Variants in ADARB2 observed in about 807,000 individuals in gnomAD.
ADARB2 encodes the protein adenosine deaminase RNA specific B2 (inactive).
Under a neutral mutation model 62.2 loss-of-function variants are expected in ADARB2, and 25 were observed. That is an observed-to-expected ratio of 0.40 (90% CI 0.29 to 0.56). The LOEUF (loss-of-function observed/expected upper bound fraction) is 0.56. Among genes scored for constraint, ADARB2 ranks in the 20% least tolerant of loss-of-function variants. The pLI is 0.43. For missense variants in ADARB2, 1,071 were observed against 1,077.4 expected (o/e 0.99, Z 0.08); for synonymous variants, 572 against 500.8 (o/e 1.14, Z -1.90).
chr10:1,473,574 G>T (rs1831355979), intron 1 of ADARB2, among the ~76,000 whole-genome samples: 1 of 152,028 alleles, frequency 6.6e-6, no homozygotes, highest in Admixed American at 6.5e-5. Context: ...AGAGATGGGG[G>T]TCTCACCATG....
intron 1 of ADARB2, among the ~76,000 whole-genome samples, chr10:1,720,887 G>T (rs59635733): frequency 1.3e-5 from 2 of 152,152 alleles, no homozygotes; most frequent in South Asian, 2.1e-4. Flanking sequence ...CCACTGGCTC[G>T]CTGCAGTGCT....
chr10:1,401,873 T>C (rs1240170603), intron 1 of ADARB2, among the ~76,000 whole-genome samples: 1 of 152,152 alleles, frequency 6.6e-6, no homozygotes, highest in Non-Finnish European at 1.5e-5. Context: ...GCCCAGAGCA[T>C]TTCCACGAGC....
rs992898208 is a variant in ADARB2 at position 1,183,449 on chromosome 10, A to G, written c.2044-80T>C. On this transcript the variant is annotated intron_variant, in intron 9 of 9. Coordinates refer to ENST00000381312, the MANE Select transcript of ADARB2 (RefSeq NM_018702.4). The stretch of plus-strand genomic sequence containing the variant: ...GCTAGGTGAGTTTTACATGCCAGGC[A>G]TCAGCTCCTGGCCTTGGCCTTCTGC... 4 of 1,536,240 alleles carry G rather than the reference A, an allele frequency of 2.6e-6. No homozygotes were observed. The African/African-American group carries it at 5.5e-5, about 21-fold the overall frequency.
At chr10:1,694,340 C>T (rs1834711003) in intron 1 of ADARB2, among the ~76,000 whole-genome samples, 3 of 152,206 alleles carry the variant, frequency 2.0e-5, no homozygotes, top group Non-Finnish European at 1.5e-5. Context: ...TTTAGCTAAT[C>T]CATTGCCTTG....
Position 1,178,340 on chromosome 10 carries a change from G to T in ADARB2, c.*4853C>A, listed in dbSNP as rs567771408. 4 of 152,478 alleles carry T rather than the reference G, an allele frequency of 2.6e-5. No individual in the cohort carries two copies. Among genetic ancestry groups the T allele is most frequent in the African/African-American group, 9.6e-5 (4 of 41,578 alleles). The allele number at this position is 152,478 out of a possible 1,614,324, so 9.4% of individuals were successfully genotyped here. A position where few individuals can be genotyped will look rare whatever the true frequency, so the allele number is the denominator to read the frequency against. ...GGAGGGTGGTGCTGGCCGCCTCTCA[G>T]GCTTCCCAGAAACAGCCTGAGAAGG... On this transcript the variant is annotated 3_prime_UTR_variant, in exon 10 of 10. Coordinates refer to ENST00000381312, the MANE Select transcript of ADARB2 (RefSeq NM_018702.4).
intron 3 of ADARB2, among the ~76,000 whole-genome samples, chr10:1,293,431 T>C (rs1471396525): frequency 6.6e-6 from 1 of 152,056 alleles, no homozygotes; most frequent in Non-Finnish European, 1.5e-5. Flanking sequence ...CCCGTCCTCC[T>C]CTGCCTTTCT....
chr10:1,648,280 G>T (rs1834070359), intron 1 of ADARB2, among the ~76,000 whole-genome samples: 1 of 152,064 alleles, frequency 6.6e-6, no homozygotes, highest in Admixed American at 6.6e-5. Flanking sequence ...TTCAAAGCAG[G>T]ATTTATCTCG....
intron 1 of ADARB2, among the ~76,000 whole-genome samples, chr10:1,487,091 G>T (rs1224431835): frequency 1.3e-5 from 2 of 152,226 alleles, no homozygotes; most frequent in Non-Finnish European, 2.9e-5. Context: ...TGCACGCGTG[G>T]GTGCCGTGGG....
intron 1 of ADARB2, among the ~76,000 whole-genome samples, chr10:1,654,448 C>T (rs1172792336): frequency 6.6e-6 from 1 of 152,172 alleles, no homozygotes; most frequent in Admixed American, 6.5e-5. Context: ...ATATCACCTG[C>T]TTCTGTCTAA....
intron 3 of ADARB2, among the ~76,000 whole-genome samples, chr10:1,280,073 A>T (rs1194704036): frequency 6.6e-6 from 1 of 152,174 alleles, no homozygotes; most frequent in Non-Finnish European, 1.5e-5. Flanking sequence ...CTGTGGCAGC[A>T]TCACCTTGTT....
In ADARB2 at chr10:1,217,058, G is replaced by T. The variant is rs758330444; in HGVS notation, c.1575C>A (p.Ser525=). The T allele has an allele frequency of 6.2e-7, 1 of 1,609,832 alleles. No homozygotes were observed. The highest frequency in any genetic ancestry group is 8.5e-7 in the Non-Finnish European group (1 of 1,178,416). ...FRGHLRTKIE[S]GEGTVPVRGP... ...CACGCACGGGGACCGTCCCTTCCCC[G>T]GACTCGATCTTGGTGCGCAGGTGCC... The change falls in exon 7 of 10, where the codon TCC becomes TCA. Residue 525 remains serine (S), a synonymous_variant. Transcript: ENST00000381312.
In ADARB2 at chr10:1,622,537, C is replaced by G. The variant is rs552259724; in HGVS notation, c.100+114514G>C. On this transcript the variant is annotated intron_variant, in intron 1 of 9. Coordinates refer to ENST00000381312, the MANE Select transcript of ADARB2 (RefSeq NM_018702.4). ...GGAGTAAAATTTTGAACAGTCATGC[C>G]ACTAAAGAGGACATGTAGAAAACAA... 5.3e-5 allele frequency among the ~76,000 whole-genome samples: 8 copies of G among 152,090 alleles called. No individual in the cohort carries two copies. The East Asian group carries it at 1.5e-3, about 29-fold the overall frequency.
In ADARB2 at chr10:1,704,395, C is replaced by CAT. The variant is rs1834861637; in HGVS notation, c.100+32654_100+32655dup. On this transcript the variant is annotated intron_variant, in intron 1 of 9. Transcript: ENST00000381312. This position sits in a 1 kb window ranked among gnomAD's most constrained non-coding sequence, Gnocchi z 5.6. ...TGGGAGACAGTGACAGATCATCAGGCATTAGATTTTCATAAGGAGTCTGCA... is the reference window on the plus strand; with the variant it reads ...TGGGAGACAGTGACAGATCATCAGGCATATTAGATTTTCATAAGGAGTCTGCA... Among the ~76,000 whole-genome samples the CAT allele has an allele frequency of 6.6e-6, 1 of 152,178 alleles. No homozygotes were observed. The highest frequency in any genetic ancestry group is 1.5e-5 in the Non-Finnish European group (1 of 68,028).
At chr10:1,549,488 C>A (rs1832581555) in intron 1 of ADARB2, among the ~76,000 whole-genome samples, 1 of 151,964 alleles carries the variant, frequency 6.6e-6, no homozygotes, top group Non-Finnish European at 1.5e-5. Context: ...GAGCAGGGTG[C>A]CCGGGGTTGG....
At chr10:1,320,604 G>C (rs1053496245) in intron 3 of ADARB2, among the ~76,000 whole-genome samples, 1 of 152,202 alleles carries the variant, frequency 6.6e-6, no homozygotes, top group African/African-American at 2.4e-5. Context: ...TATCTGCAAA[G>C]TGAGAATTTT....
chr10:1,277,133 A>G (rs1429315994), intron 3 of ADARB2, among the ~76,000 whole-genome samples: 12 of 152,242 alleles, frequency 7.9e-5, no homozygotes, highest in Non-Finnish European at 1.6e-4. Flanking sequence ...TTATAGCACT[A>G]AATGCCCACA....
chr10:1,400,540 A>G (rs1832652796), intron 1 of ADARB2, among the ~76,000 whole-genome samples: 1 of 151,994 alleles, frequency 6.6e-6, no homozygotes, highest in South Asian at 2.1e-4. Flanking sequence ...AGCCTGGTAA[A>G]ATTAGATCTA....
chr10:1,377,249 GGTGT>G (rs1236287815), intron 2 of ADARB2, among the ~76,000 whole-genome samples: 2 of 138,094 alleles, frequency 1.4e-5, no homozygotes, highest in Non-Finnish European at 3.1e-5. Flanking sequence ...GCGCCCCTGG[GGTGT>G]GTGTGTTTGT....
At chr10:1,567,918 C>G (rs1271120544) in intron 1 of ADARB2, among the ~76,000 whole-genome samples, 1 of 152,188 alleles carries the variant, frequency 6.6e-6, no homozygotes, top group African/African-American at 2.4e-5. Context: ...GTGCCCTTTG[C>G]CTCCTGCCTG....
Sources: gnomAD v4.1 joint callset for allele counts (sites outside exome capture counted in the v4.1 genomes callset) on GRCh38, gnomAD v4.1.1 for gene constraint, Gnocchi (gnomAD v3.1) non-coding constraint, MANE v1.5 for transcripts, NCBI Gene and HGNC (gene_info 2026-07-23, HGNC 2026-07-21) for gene names.